Variants in MCTP1 observed in about 807,000 individuals in gnomAD.
MCTP1 encodes multiple C2 and transmembrane domain-containing protein 1.
A neutral mutation model predicts 120.6 loss-of-function variants in MCTP1; 69 were observed. The observed-to-expected ratio is 0.57, with a 90% CI of 0.47 to 0.70. The LOEUF is 0.70. Ranked by LOEUF, MCTP1 falls within the 30% of genes least tolerant of loss-of-function variation. The pLI, the probability that MCTP1 is intolerant of heterozygous loss-of-function variation, is 0.00. For missense variants in MCTP1, 1,203 were observed against 1,248.8 expected, an observed-to-expected ratio of 0.96 and a Z score of 0.55; for synonymous variants, 529 against 493.1, an observed-to-expected ratio of 1.07 and a Z score of -0.96.
At chr5:95,223,388 C>T (rs575550536) in intron 1 of MCTP1, among the ~76,000 whole-genome samples, 9 of 152,026 alleles carry the variant, frequency 5.9e-5, no homozygotes, top group Non-Finnish European at 1.3e-4. Context: ...GAAGTCGAGG[C>T]TGCAGTGAGC....
intron 10 of MCTP1, among the ~76,000 whole-genome samples, chr5:94,895,924 T>C (rs920082390): frequency 1.3e-5 from 2 of 152,150 alleles, no homozygotes; most frequent in Admixed American, 1.3e-4. Flanking sequence ...CAATAAGCAA[T>C]GCCCTGGTCA....
chr5:95,247,371 T>A (rs559383341), intron 1 of MCTP1, among the ~76,000 whole-genome samples: 126 of 152,146 alleles, frequency 8.3e-4, no homozygotes, highest in African/African-American at 2.9e-3. Flanking sequence ...TTTCGAAGGG[T>A]TTTTTTGTGT....
rs1238094169 is a variant in MCTP1, at chr5:95,284,005, C to A, written c.571G>T (p.Ala191Ser). 17 of 1,476,720 alleles carry A rather than the reference C, an allele frequency of 1.2e-5. No individual in the cohort carries two copies. The highest frequency in any genetic ancestry group is 5.1e-5 in the Admixed American group (2 of 39,600). 91.5% of individuals were successfully genotyped at this position (1,476,720 alleles called of 1,614,324 possible). A position where few individuals can be genotyped will look rare whatever the true frequency, so the allele number is the denominator to read the frequency against. Residue 191 changes from alanine to serine, a missense_variant, in exon 1 of 23, where the codon GCG becomes TCG. This residue lies in a region of MCTP1 where 463 missense variants were observed against 377.8 expected (regional missense o/e 1.23). Coordinates refer to ENST00000515393, the MANE Select transcript of MCTP1 (RefSeq NM_024717.7). This position sits in a 1 kb window ranked among gnomAD's most constrained non-coding sequence, Gnocchi z 5.2. ...DEGARRQGPG[A>S]HLCHQKSSSL... ...GAGCTCTTCTGGTGGCACAAGTGCG[C>A]CCCGGGGCCCTGACGCCGTGCACCC... is the stretch of plus-strand genomic sequence containing the variant.
chr5:94,767,261 C>T (rs967886915), intron 19 of MCTP1, among the ~76,000 whole-genome samples: 7 of 152,118 alleles, frequency 4.6e-5, no homozygotes, highest in Non-Finnish European at 7.3e-5. Context: ...ATAGAAGGAA[C>T]ATATCTCAAC....
chr5:94,893,167 A>T (rs1803073750), intron 11 of MCTP1, among the ~76,000 whole-genome samples: 1 of 152,238 alleles, frequency 6.6e-6, no homozygotes, highest in Admixed American at 6.5e-5. Flanking sequence ...CTGAATGGAA[A>T]TGGCCAATTG....
At chr5:94,761,109 A>T (rs925011759) in intron 19 of MCTP1, among the ~76,000 whole-genome samples, 1 of 152,228 alleles carries the variant, frequency 6.6e-6, no homozygotes, top group South Asian at 2.1e-4. Flanking sequence ...AAATGCAGAA[A>T]CTGTTACGTT....
At chr5:95,131,288 C>G (rs1450151150) in intron 1 of MCTP1, among the ~76,000 whole-genome samples, 1 of 152,160 alleles carries the variant, frequency 6.6e-6, no homozygotes, top group Non-Finnish European at 1.5e-5. Flanking sequence ...AACATCAAGG[C>G]TGAGCATGGG....
chr5:94,954,147 C>CAAAT (rs10671946), intron 2 of MCTP1, among the ~76,000 whole-genome samples: 1 of 32,522 alleles, frequency 3.1e-5, no homozygotes, highest in Non-Finnish European at 5.4e-5. Flanking sequence ...CATATATATA[C>CAAAT]ATATATATAT....
intron 19 of MCTP1, among the ~76,000 whole-genome samples, chr5:94,777,261 C>T (rs1052433291): frequency 5.3e-5 from 8 of 152,082 alleles, no homozygotes; most frequent in South Asian, 4.1e-4. Context: ...GTGTCAATTT[C>T]AGACTACCAA....
intron 1 of MCTP1, among the ~76,000 whole-genome samples, chr5:95,185,383 T>C (rs1351345374): frequency 2.0e-5 from 3 of 152,172 alleles, no homozygotes; most frequent in African/African-American, 7.2e-5. Context: ...ATTTGGAAAA[T>C]TGATCAATGA....
In MCTP1 at chr5:95,051,298, C is replaced by T. The variant is rs1298117596; in HGVS notation, c.721-33814G>A. ...GTCTTAGCCAATTCCATCCCAGGCCCGAAGCTCTGCACCTACTCAGTATTC... is the reference window on the plus strand; with the variant it reads ...GTCTTAGCCAATTCCATCCCAGGCCTGAAGCTCTGCACCTACTCAGTATTC... On this transcript the variant is annotated intron_variant, in intron 1 of 22. Coordinates refer to ENST00000515393, the MANE Select transcript of MCTP1 (RefSeq NM_024717.7). 3.9e-5 allele frequency among the ~76,000 whole-genome samples: 6 copies of T among 152,104 alleles called. No homozygotes were observed. The South Asian group carries it at 1.0e-3, about 26-fold the overall frequency.
intron 1 of MCTP1, among the ~76,000 whole-genome samples, chr5:95,236,768 G>A (rs1307631571): frequency 6.6e-6 from 1 of 152,038 alleles, no homozygotes; most frequent in African/African-American, 2.4e-5. Context: ...ACACATCCAG[G>A]AACCCAGGAT....
In MCTP1 at chr5:94,746,263, T is replaced by C. The variant is rs534731470; in HGVS notation, c.2611-31377A>G. 2.0e-5 allele frequency among the ~76,000 whole-genome samples: 3 copies of C among 152,300 alleles called. No homozygotes were observed. In the East Asian group the frequency reaches 5.8e-4, roughly 29 times the overall value. On this transcript the variant is annotated intron_variant, in intron 19 of 22. Transcript: ENST00000515393. ...TATCCGCCACACTTGACTGGAGCCC[T>C]TTCTGCCTCCTACTCCTTTCTGAAT...
At chr5:94,924,477 A>C (rs555515217) in intron 6 of MCTP1, among the ~76,000 whole-genome samples, 1 of 152,320 alleles carries the variant, frequency 6.6e-6, no homozygotes, top group East Asian at 1.9e-4. Context: ...TTCTACAAAA[A>C]ATTCCAAATT....
Position 95,031,330 on chromosome 5 carries a change from G to A in MCTP1, c.721-13846C>T, listed in dbSNP as rs764231648. The stretch of plus-strand genomic sequence containing the variant: ...ATAACCACCCCCAAGACATAGAGTC[G>A]TCTGATTTTCCAAGGTCAACATGAA... On this transcript the variant is annotated intron_variant, in intron 1 of 22. Transcript: ENST00000515393. Among the ~76,000 whole-genome samples, 8 of 151,790 alleles carry A rather than the reference G, an allele frequency of 5.3e-5. No homozygotes were observed. In the South Asian group the frequency reaches 6.3e-4, roughly 12 times the overall value.
At chr5:94,986,291 A>G (rs1042045785) in intron 2 of MCTP1, among the ~76,000 whole-genome samples, 12 of 152,004 alleles carry the variant, frequency 7.9e-5, no homozygotes, top group Admixed American at 7.2e-4. Flanking sequence ...GGATATTCTG[A>G]TCTTTATTTC....
At chr5:94,781,099 G>A (rs1417667770) in intron 18 of MCTP1, among the ~76,000 whole-genome samples, 1 of 150,062 alleles carries the variant, frequency 6.7e-6, no homozygotes, top group Non-Finnish European at 1.5e-5. Flanking sequence ...TTTTGTAGCT[G>A]TAATAAAATT....
At chr5:94,940,326 T>G in intron 4 of MCTP1, 131 bp from the exon 5 acceptor site, 1 of 537,110 alleles carries the variant, frequency 1.9e-6, no homozygotes, top group South Asian at 2.9e-5. Context: ...CAATTTTTGT[T>G]ATTAAAATAT....
chr5:95,240,422 T>C (rs1418232845), intron 1 of MCTP1, among the ~76,000 whole-genome samples: 1 of 152,158 alleles, frequency 6.6e-6, no homozygotes, highest in East Asian at 1.9e-4. Flanking sequence ...AAAGTGAAGG[T>C]GGGCATTTGC....
Sources: gnomAD v4.1 joint callset for allele counts (sites outside exome capture counted in the v4.1 genomes callset) on GRCh38, gnomAD v4.1.1 for gene constraint, gnomAD v4.1.1 regional missense constraint, Gnocchi (gnomAD v3.1) non-coding constraint, MANE v1.5 for transcripts, NCBI Gene and HGNC (gene_info 2026-07-23, HGNC 2026-07-21) for gene names.